The following CRPPA variants were observed in gnomAD, a reference collection of about 807,000 sequenced individuals.
The protein encoded by CRPPA is D-ribitol-5-phosphate cytidylyltransferase.
A neutral mutation model predicts 52.0 loss-of-function variants in CRPPA; 43 were observed. That is an observed-to-expected ratio of 0.83 (90% confidence interval 0.65 to 1.07). The LOEUF is 1.07. Ranked by LOEUF, CRPPA falls within the 50% of genes least tolerant of loss-of-function variation. The pLI is 0.00. For synonymous variants in CRPPA, 250 were observed against 203.5 expected, an observed-to-expected ratio of 1.23 and a Z score of -1.94; for missense variants, 629 against 551.7, an observed-to-expected ratio of 1.14 and a Z score of -1.40.
chr7:16,094,759 C>T (rs1781903539), intron 9 of CRPPA, among the ~76,000 whole-genome samples: 1 of 152,034 alleles, frequency 6.6e-6, no homozygotes, highest in South Asian at 2.1e-4. Context: ...TCCCAAAAAC[C>T]TGTACCTCCA....
At chr7:16,149,105 T>C (rs1783027562) in intron 9 of CRPPA, among the ~76,000 whole-genome samples, 2 of 152,188 alleles carry the variant, frequency 1.3e-5, no homozygotes, top group African/African-American at 4.8e-5. Flanking sequence ...ATTTAGAGTA[T>C]GATTACAAAG....
At chr7:16,135,637 A>G (rs1427657504) in intron 9 of CRPPA, among the ~76,000 whole-genome samples, 1 of 152,224 alleles carries the variant, frequency 6.6e-6, no homozygotes. Flanking sequence ...AGCCAAAAAG[A>G]AATAATTCTA....
intron 3 of CRPPA, among the ~76,000 whole-genome samples, chr7:16,342,798 T>TATAG (rs1491461185): frequency 0.14 from 14,093 of 101,150 alleles, 3,242 homozygotes; most frequent in East Asian, 0.38. Context: ...TATATATATA[T>TATAG]CTATATAGAT....
At chr7:16,397,143 G>C (rs1787607522) in intron 2 of CRPPA, among the ~76,000 whole-genome samples, 1 of 152,270 alleles carries the variant, frequency 6.6e-6, no homozygotes, top group African/African-American at 2.4e-5. Context: ...AGAGATGCGT[G>C]TCTGACACAT....
intron 2 of CRPPA, among the ~76,000 whole-genome samples, chr7:16,392,715 C>G (rs1171391982): frequency 6.6e-6 from 1 of 152,034 alleles, no homozygotes; most frequent in South Asian, 2.1e-4. Context: ...ATTATGAAAA[C>G]TTCCTAATAG....
chr7:16,354,274 T>A (rs962805316), intron 3 of CRPPA, among the ~76,000 whole-genome samples: 14 of 152,194 alleles, frequency 9.2e-5, no homozygotes, highest in Admixed American at 6.5e-4. Context: ...TTATTGAAAA[T>A]GCAACATTCA....
intron 9 of CRPPA, among the ~76,000 whole-genome samples, chr7:16,092,816 G>A (rs756752768): frequency 1.1e-4 from 16 of 151,998 alleles, no homozygotes; most frequent in African/African-American, 2.2e-4. Flanking sequence ...TTATCCTCTC[G>A]GCCTCTTCTT....
chr7:16,198,744 G>A (rs1406628852), intron 9 of CRPPA, among the ~76,000 whole-genome samples: 1 of 149,860 alleles, frequency 6.7e-6, no homozygotes, highest in African/African-American at 2.5e-5. Flanking sequence ...TTTAAGAAAC[G>A]GTTTCATCAT....
At chr7:16,154,933 G>A (rs968260788) in intron 9 of CRPPA, among the ~76,000 whole-genome samples, 1 of 148,542 alleles carries the variant, frequency 6.7e-6, no homozygotes, top group African/African-American at 2.5e-5. Flanking sequence ...TCACCCTCCC[G>A]AGTAGCTGGG....
At chr7:16,313,234 A>G (rs145467897) in intron 3 of CRPPA, among the ~76,000 whole-genome samples, 1 of 151,992 alleles carries the variant, frequency 6.6e-6, no homozygotes, top group Non-Finnish European at 1.5e-5. Context: ...TTATTGACTC[A>G]ATTTGTTTAA....
intron 5 of CRPPA, among the ~76,000 whole-genome samples, chr7:16,280,740 G>T (rs1268377525): frequency 6.6e-6 from 1 of 152,078 alleles, no homozygotes; most frequent in Non-Finnish European, 1.5e-5. Context: ...CTATTTGCTG[G>T]CCAGGCACAG....
intron 9 of CRPPA, among the ~76,000 whole-genome samples, chr7:16,117,743 C>T (rs1782405164): frequency 1.3e-5 from 2 of 152,228 alleles, no homozygotes; most frequent in Admixed American, 6.5e-5. Context: ...TTCCCACCAT[C>T]TTCCTTGTAA....
chr7:16,354,712 G>A (rs972321570), intron 3 of CRPPA, among the ~76,000 whole-genome samples: 1 of 152,082 alleles, frequency 6.6e-6, no homozygotes, highest in African/African-American at 2.4e-5. Flanking sequence ...AAAAGGGTGT[G>A]TTTCCAAGAA....
At chr7:16,342,303 C>T (rs896586180) in intron 3 of CRPPA, among the ~76,000 whole-genome samples, 9 of 152,038 alleles carry the variant, frequency 5.9e-5, no homozygotes, top group Non-Finnish European at 1.2e-4. Context: ...AAAAAATAAA[C>T]CACTAATTCT....
intron 5 of CRPPA, among the ~76,000 whole-genome samples, chr7:16,286,064 T>TTTAAAAAAAAAA (rs1562608509): frequency 3.7e-4 from 11 of 29,768 alleles, no homozygotes; most frequent in Non-Finnish European, 5.3e-4. Flanking sequence ...TATATATATA[T>TTTAAAAAAAAAA]ATATATATAT....
chr7:16,403,732 G>A lies in CRPPA; in HGVS notation c.534+2329C>T, dbSNP rs554684616. 1.6e-4 allele frequency among the ~76,000 whole-genome samples: 25 copies of A among 152,216 alleles called. No individual in the cohort carries two copies. In the East Asian group the frequency reaches 4.8e-3, roughly 29 times the overall value. On this transcript the variant is annotated intron_variant, in intron 2 of 9. Transcript: ENST00000407010. ...GTGCCTGGAGTTAACTGAGAATACT[G>A]GGACACTATCCTAATTGTTTTAAGA...
intron 3 of CRPPA, among the ~76,000 whole-genome samples, chr7:16,342,850 C>G (rs1281854359): frequency 8.0e-6 from 1 of 124,712 alleles, no homozygotes. Context: ...TATAGATATA[C>G]ATATATAGAT....
chr7:16,208,789 G>T (rs1416095813), intron 9 of CRPPA, among the ~76,000 whole-genome samples: 1 of 152,180 alleles, frequency 6.6e-6, no homozygotes, highest in African/African-American at 2.4e-5. Context: ...ATTCCTTGAG[G>T]ACTGAAACCT....
At chr7:16,371,666 A>T (rs1786752233) in intron 3 of CRPPA, among the ~76,000 whole-genome samples, 1 of 152,060 alleles carries the variant, frequency 6.6e-6, no homozygotes, top group Non-Finnish European at 1.5e-5. Flanking sequence ...ATAACAACCT[A>T]TAAAAGAACA....
Sources: allele counts gnomAD v4.1 joint callset (sites outside exome capture counted in the v4.1 genomes callset), GRCh38; gene constraint gnomAD v4.1.1; transcripts MANE v1.5; gene names NCBI Gene and HGNC (gene_info 2026-07-23, HGNC 2026-07-21).